NINL: variants seen among roughly 807,000 people sequenced by gnomAD.
NINL encodes ninein like.
NINL carries 153 observed loss-of-function variants against 160.3 expected under a neutral mutation model. That is an observed-to-expected ratio of 0.95 (90% CI 0.84 to 1.09). The LOEUF is 1.09. NINL is among the 50% of genes least tolerant of loss of function. The pLI, the probability that NINL is intolerant of heterozygous loss-of-function variation, is 0.00. For synonymous variants in NINL, 800 were observed against 734.8 expected, an observed-to-expected ratio of 1.09 and a Z score of -1.43; for missense variants, 1,829 against 1,764.0, an observed-to-expected ratio of 1.04 and a Z score of -0.66.
At chr20:25,474,262 G>A (rs1032148433) in intron 17 of NINL, among the ~76,000 whole-genome samples, 5 of 152,220 alleles carry the variant, frequency 3.3e-5, no homozygotes. Flanking sequence ...AGCTCCCCTC[G>A]GGGCCTCTGG....
At chr20:25,547,809 C>T (rs1230644436) in intron 1 of NINL, among the ~76,000 whole-genome samples, 2 of 152,216 alleles carry the variant, frequency 1.3e-5, no homozygotes, top group African/African-American at 4.8e-5. Context: ...CAGACTGGCA[C>T]TCTGTTGATG....
At position 25,479,101 on chromosome 20, in the gene NINL, G is replaced by A; in HGVS notation, c.2023C>T (p.Gln675Ter). Reference sequence around the variant, plus strand: ...TGGAGCTCCTCCAGGTCGGCCTTCTGACCCTCCAGCACGCTGACCTCGCGC... The same window carrying A: ...TGGAGCTCCTCCAGGTCGGCCTTCTAACCCTCCAGCACGCTGACCTCGCGC... ...RRREVSVLEGQKADLEELHEK... is the reference protein window; with the variant it reads ...RRREVSVLEG The change falls in exon 16 of 24, where the codon CAG becomes TAG. Residue 675 changes from glutamine (Q) to a stop codon, truncating the protein, a stop_gained. Coordinates refer to ENST00000278886, the MANE Select transcript of NINL (RefSeq NM_025176.6). LOFTEE classifies it high-confidence loss of function. The A allele has an allele frequency of 6.2e-7, 1 of 1,613,658 alleles. No homozygotes were observed. The highest frequency in any genetic ancestry group is 2.2e-5 in the East Asian group (1 of 44,868).
intron 19 of NINL, 127 bp from the exon 20 acceptor site, chr20:25,462,668 T>A (rs2062821134): frequency 1.9e-5 from 17 of 902,698 alleles, no homozygotes; most frequent in Non-Finnish European, 2.8e-5. Context: ...TTTGTTTTGT[T>A]TTTCAAGACA....
chr20:25,513,498 T>C (rs1490903466), intron 3 of NINL, among the ~76,000 whole-genome samples: 1 of 152,196 alleles, frequency 6.6e-6, no homozygotes, highest in African/African-American at 2.4e-5. Context: ...ATGAGCCTTA[T>C]TAACAATCAT....
chr20:25,512,593 A>G (rs1024327341), intron 4 of NINL, among the ~76,000 whole-genome samples: 31 of 152,282 alleles, frequency 2.0e-4, no homozygotes, highest in African/African-American at 7.5e-4. Context: ...CAGTCTGAGG[A>G]AATTCTCTAT....
intron 11 of NINL, among the ~76,000 whole-genome samples, chr20:25,490,563 G>GAAAAA (rs59001259): frequency 1.5e-4 from 12 of 79,732 alleles, no homozygotes; most frequent in Admixed American, 1.4e-4. Context: ...CCATCTCAAG[G>GAAAAA]AAAAAAAAAA....
chr20:25,498,300 G>A lies in NINL; in HGVS notation c.1079C>T (p.Thr360Ile). 6.2e-7 allele frequency: 1 copy of A among 1,613,354 alleles called. No homozygotes were observed. Among genetic ancestry groups the A allele is most frequent in the Non-Finnish European group, 8.5e-7 (1 of 1,180,028 alleles). The change falls in exon 9 of 24, where the codon ACC (threonine) becomes ATC (isoleucine). Residue 360 changes from threonine to isoleucine, a missense_variant. By Grantham distance (89) the Thr-to-Ile change is moderately conservative. Transcript: ENST00000278886. ...VDEKVNLLELTWALDNELMTV... is the reference protein window; with the variant it reads ...VDEKVNLLELIWALDNELMTV... ...CATGAGCTCGTTGTCAAGGGCCCAG[G>A]TCAGCTCCAGAAGGTTCACCTTCTC...
At chr20:25,572,800 C>T (rs1194273508) in intron 1 of NINL, among the ~76,000 whole-genome samples, 2 of 152,118 alleles carry the variant, frequency 1.3e-5, no homozygotes, top group South Asian at 4.1e-4. Context: ...CTGAAAAGCC[C>T]TAGTGTCATG....
rs547849835 is a variant in NINL, at chr20:25,570,503, C to T, written c.-12+14952G>A. 7.2e-5 allele frequency among the ~76,000 whole-genome samples: 11 copies of T among 152,246 alleles called. No individual in the cohort carries two copies. In the South Asian group the frequency reaches 2.1e-3, roughly 29 times the overall value. ...GCCTTCCGCCATGATTGGAAGCTCC[C>T]TGAGGCCTCCCCAGCAGCAGAAGCC... is the stretch of plus-strand genomic sequence containing the variant. On this transcript the variant is annotated intron_variant, in intron 1 of 23. Coordinates refer to ENST00000278886, the MANE Select transcript of NINL (RefSeq NM_025176.6).
chr20:25,549,253 G>A (rs1056071261), intron 1 of NINL, among the ~76,000 whole-genome samples: 1 of 146,082 alleles, frequency 6.8e-6, no homozygotes, highest in Non-Finnish European at 1.5e-5. Context: ...GCCTCACCCA[G>A]GGCTGACCCC....
At chr20:25,567,000 G>T (rs1461726990) in intron 1 of NINL, among the ~76,000 whole-genome samples, 2 of 151,758 alleles carry the variant, frequency 1.3e-5, no homozygotes, top group African/African-American at 4.8e-5. Context: ...CTAAAAATTA[G>T]CCAGGCATGG....
intron 16 of NINL, among the ~76,000 whole-genome samples, chr20:25,477,450 G>A (rs564701560): frequency 2.0e-5 from 3 of 152,332 alleles, no homozygotes; most frequent in East Asian, 1.9e-4. Context: ...GCAGACATAC[G>A]ACGTGGCCCA....
intron 1 of NINL, among the ~76,000 whole-genome samples, chr20:25,561,936 C>G (rs1246529354): frequency 5.2e-4 from 78 of 149,892 alleles, no homozygotes; most frequent in Non-Finnish European, 8.5e-4. Context: ...CCGCCCCGTC[C>G]GGGAGGGAGG....
chr20:25,536,608 A>G (rs2064560444), intron 1 of NINL, among the ~76,000 whole-genome samples: 1 of 152,130 alleles, frequency 6.6e-6, no homozygotes. Flanking sequence ...AATCCCAGCT[A>G]CTCAGGAGGC....
chr20:25,474,758 G>A (rs1455315135), intron 17 of NINL, among the ~76,000 whole-genome samples: 2 of 151,452 alleles, frequency 1.3e-5, no homozygotes, highest in Non-Finnish European at 2.9e-5. Context: ...GGGACTACAA[G>A]CGCATGCCAC....
At chr20:25,512,073 G>T (rs2064080454) in intron 4 of NINL, among the ~76,000 whole-genome samples, 1 of 152,176 alleles carries the variant, frequency 6.6e-6, no homozygotes, top group Non-Finnish European at 1.5e-5. Context: ...GACTCTGGCA[G>T]CCATCTCCTG....
intron 5 of NINL, among the ~76,000 whole-genome samples, chr20:25,509,298 C>T (rs2064023231): frequency 6.6e-6 from 1 of 152,140 alleles, no homozygotes; most frequent in African/African-American, 2.4e-5. Flanking sequence ...AGCCCAGACG[C>T]ATCAGTGACG....
rs1461056264 is a variant in NINL at position 25,453,508 on chromosome 20, T to A, written c.4092A>T (p.Lys1364Asn). The A allele has an allele frequency of 1.2e-6, 2 of 1,613,936 alleles. No homozygotes were observed. The highest frequency in any genetic ancestry group is 2.2e-5 in the East Asian group (1 of 44,878). ...TGACGAGTTTGTTGAGAGCGCGAACTTTTTCTTCCAAGAGGCGGCTTTGTT... is the reference window on the plus strand; with the variant it reads ...TGACGAGTTTGTTGAGAGCGCGAACATTTTCTTCCAAGAGGCGGCTTTGTT... ...AEKQSRLLEEKVRALNKLVSR... is the reference protein window; with the variant it reads ...AEKQSRLLEENVRALNKLVSR... The change falls in exon 24 of 24, where the codon AAA (lysine) becomes AAT (asparagine). Residue 1364 changes from lysine (K) to asparagine (N), a missense_variant. Coordinates refer to ENST00000278886, the MANE Select transcript of NINL (RefSeq NM_025176.6).
chr20:25,489,951 A>T lies in NINL; in HGVS notation c.1520T>A (p.Val507Glu). ...NSRLQKEIVE[V>E]VEKLSDSERL... Reference sequence around the variant, plus strand: ...CTCCGAATCCGAAAGCTTTTCCACCACTTCCACAATCTCCTTCTGTAGGCG... The same window carrying T: ...CTCCGAATCCGAAAGCTTTTCCACCTCTTCCACAATCTCCTTCTGTAGGCG... The change falls in exon 12 of 24, where the codon GTG (valine) becomes GAG (glutamate). Residue 507 changes from valine (V) to glutamate (E), a missense_variant. By Grantham distance (121) the Val-to-Glu change is moderately radical (BLOSUM62 -2). Coordinates refer to ENST00000278886, the MANE Select transcript of NINL (RefSeq NM_025176.6). 1 of 1,613,976 alleles carries T rather than the reference A, an allele frequency of 6.2e-7. No individual in the cohort carries two copies. The highest frequency in any genetic ancestry group is 8.5e-7 in the Non-Finnish European group (1 of 1,179,970).
Sources: allele counts gnomAD v4.1 joint callset (sites outside exome capture counted in the v4.1 genomes callset), GRCh38; gene constraint gnomAD v4.1.1; transcripts MANE v1.5; gene names NCBI Gene and HGNC (gene_info 2026-07-23, HGNC 2026-07-21).